The following KCTD18 variants were observed in gnomAD, a reference collection of about 807,000 sequenced individuals.
KCTD18 encodes potassium channel tetramerization domain containing 18, also known as BTB/POZ domain-containing protein KCTD18.
Under a neutral mutation model 30.4 loss-of-function variants are expected in KCTD18, and 22 were observed. The observed-to-expected ratio is 0.72, with a 90% CI of 0.52 to 1.03. The LOEUF (loss-of-function observed/expected upper bound fraction) is 1.03, where lower values mean the gene tolerates loss of function less well. Among genes scored for constraint, KCTD18 ranks in the 50% least tolerant of loss-of-function variants. The probability of loss-of-function intolerance (pLI) is 0.00; values close to 1 mark genes in which losing one functional copy is unlikely to be tolerated. For synonymous variants in KCTD18, 186 were observed against 209.0 expected (o/e 0.89, Z 0.95); for missense variants, 529 against 547.6 (o/e 0.97, Z 0.34).
chr2:200,492,971 AG>A (rs768576921), intron 6 of KCTD18, among the ~76,000 whole-genome samples, 200 bp downstream of exon 6: 1 of 152,218 alleles, frequency 6.6e-6, no homozygotes, highest in African/African-American at 2.4e-5. Context: ...GCAGTTACAA[AG>A]AATTATAGCC....
intron 4 of KCTD18, among the ~76,000 whole-genome samples, chr2:200,498,195 C>T (rs1224309654): frequency 6.6e-6 from 1 of 152,150 alleles, no homozygotes; most frequent in African/African-American, 2.4e-5. Context: ...CAGCATTATG[C>T]CAGGCACTTA....
At chr2:200,493,124 G>T in intron 6 of KCTD18, 48 bp downstream of exon 6, 2 of 1,078,890 alleles carry the variant, frequency 1.9e-6, no homozygotes, top group Non-Finnish European at 2.9e-6. Context: ...CAGTAAAAAT[G>T]TCAGCGATTA....
At chr2:200,492,741 C>G (rs2087937950) in intron 6 of KCTD18, among the ~76,000 whole-genome samples, 1 of 152,094 alleles carries the variant, frequency 6.6e-6, no homozygotes, top group African/African-American at 2.4e-5. Context: ...CAGGAAAATA[C>G]CATTTAATAA....
At position 200,493,214 on chromosome 2, in the gene KCTD18, G is replaced by A. The variant is rs2087947534; in HGVS notation, c.722C>T (p.Pro241Leu). Residue 241 changes from proline to leucine, a missense_variant, in exon 6 of 7, where the codon CCT becomes CTT. By Grantham distance (98) the Pro-to-Leu change is moderately conservative. Coordinates refer to ENST00000359878, the MANE Select transcript of KCTD18 (RefSeq NM_152387.4). ...CATGTGACGCAGGCTTCCAAGTAAA[G>A]GCCGTTCTTCTAGAGTCCAACACTC... ...LIECWTLEER[P>L]LLGSLRHMAP... 6.2e-7 allele frequency: 1 copy of A among 1,613,292 alleles called. No individual in the cohort carries two copies. Among genetic ancestry groups the A allele is most frequent in the South Asian group, 1.1e-5 (1 of 91,058 alleles).
rs1410943204 is a variant in KCTD18, at chr2:200,504,922, T to C, written c.198A>G (p.Lys66=). The C allele has an allele frequency of 6.2e-7, 1 of 1,614,158 alleles. No individual in the cohort carries two copies. The highest frequency in any genetic ancestry group is 1.7e-5 in the Admixed American group (1 of 60,022). Reference sequence around the variant, plus strand: ...CTCCATGAAGGTAATCCAAAAGGTATTTAAATAGACGTCCATCACGGTCAA... The same window carrying C: ...CTCCATGAAGGTAATCCAAAAGGTACTTAAATAGACGTCCATCACGGTCAA... ...CVIDRDGRLF[K]YLLDYLHGEV... The change falls in exon 3 of 7, where the codon AAA becomes AAG. Residue 66 remains lysine (K), a synonymous_variant. Coordinates refer to ENST00000359878, the MANE Select transcript of KCTD18 (RefSeq NM_152387.4).
At chr2:200,493,053 A>T (rs1212674350) in intron 6 of KCTD18, 119 bp downstream of exon 6, 1 of 623,356 alleles carries the variant, frequency 1.6e-6, no homozygotes, top group Non-Finnish European at 2.9e-6. Flanking sequence ...AGAATATTCA[A>T]ATCGGTGATT....
chr2:200,507,077 T>C lies in KCTD18; in HGVS notation c.-61A>G, dbSNP rs201418461. 7.9e-6 allele frequency: 11 copies of C among 1,395,222 alleles called. No individual in the cohort carries two copies. In the East Asian group the frequency reaches 2.3e-4, roughly 29 times the overall value. 86.4% of individuals were successfully genotyped at this position (1,395,222 alleles called of 1,614,324 possible). On this transcript the variant is annotated 5_prime_UTR_variant, in exon 2 of 7. Coordinates refer to ENST00000359878, the MANE Select transcript of KCTD18 (RefSeq NM_152387.4). ...ACTTTCAGAAACTTCAAAACAATGA[T>C]GTCTTGGTCTCCCTCTGTAAAACAA...
chr2:200,505,766 C>T (rs752050084), intron 2 of KCTD18, among the ~76,000 whole-genome samples: 2 of 151,958 alleles, frequency 1.3e-5, no homozygotes, highest in African/African-American at 2.4e-5. Flanking sequence ...TGGGTTAGTC[C>T]TTTTGTACTA....
chr2:200,505,660 A>G (rs2030146790), intron 2 of KCTD18, among the ~76,000 whole-genome samples: 3 of 152,150 alleles, frequency 2.0e-5, no homozygotes, highest in Non-Finnish European at 4.4e-5. Context: ...TAAAGAGAGC[A>G]TGTGGGGTGC....
rs368692549 is a variant in KCTD18 at position 200,490,632 on chromosome 2, C to T, written c.765-16G>A. The T allele has an allele frequency of 1.8e-4, 279 of 1,560,168 alleles. No individual in the cohort carries two copies. Among genetic ancestry groups the T allele is most frequent in the Non-Finnish European group, 2.2e-4 (250 of 1,158,438 alleles). On this transcript the variant is annotated splice_polypyrimidine_tract_variant and intron_variant, in intron 6 of 6. Transcript: ENST00000359878. The stretch of plus-strand genomic sequence containing the variant: ...TATCAGTCGCCTAGAAATACAGAAG[C>T]GTGTCATTTTCCACATGTATAGTTT...
chr2:200,508,087 G>C (rs947139534), intron 1 of KCTD18, among the ~76,000 whole-genome samples: 1 of 151,928 alleles, frequency 6.6e-6, no homozygotes, highest in African/African-American at 2.4e-5. Flanking sequence ...GGGAAGTTTT[G>C]GGGGGTTTTT....
chr2:200,503,588 T>C (rs553376844), intron 3 of KCTD18, among the ~76,000 whole-genome samples: 1 of 152,304 alleles, frequency 6.6e-6, no homozygotes, highest in South Asian at 2.1e-4. Context: ...CCCAACCTTC[T>C]AGTCAGGCCT....
At chr2:200,497,668 A>G in intron 5 of KCTD18, 85 bp downstream of exon 5, 1 of 902,110 alleles carries the variant, frequency 1.1e-6, no homozygotes, top group Non-Finnish European at 1.8e-6. Flanking sequence ...TACTTTCTAA[A>G]AAAAGAAATG....
At chr2:200,507,634 T>C (rs2030270756) in intron 1 of KCTD18, among the ~76,000 whole-genome samples, 1 of 152,218 alleles carries the variant, frequency 6.6e-6, no homozygotes, top group African/African-American at 2.4e-5. Flanking sequence ...ATCTAGCTCA[T>C]GGTAACTATT....
intron 1 of KCTD18, among the ~76,000 whole-genome samples, chr2:200,509,333 ACT>A (rs1574813159): frequency 6.6e-6 from 1 of 152,048 alleles, no homozygotes; most frequent in African/African-American, 2.4e-5. Context: ...CTCCTCCAGC[ACT>A]GTTTCACCCC....
intron 1 of KCTD18, among the ~76,000 whole-genome samples, chr2:200,509,140 C>G (rs2030373283): frequency 6.6e-6 from 1 of 152,100 alleles, no homozygotes; most frequent in Admixed American, 6.5e-5. Flanking sequence ...TTACCTAATT[C>G]ACACAAAAAC....
chr2:200,491,290 T>C (rs1333377968), intron 6 of KCTD18, among the ~76,000 whole-genome samples: 2 of 152,224 alleles, frequency 1.3e-5, no homozygotes, highest in African/African-American at 4.8e-5. Context: ...TCTGCCATGA[T>C]TGTAAGCTTC....
At chr2:200,497,976 G>T in intron 4 of KCTD18, 129 bp from the exon 5 acceptor site, 1 of 665,430 alleles carries the variant, frequency 1.5e-6, no homozygotes, top group Non-Finnish European at 2.7e-6. Context: ...CTGAGTAGTT[G>T]TTCTGTGATC....
intron 6 of KCTD18, among the ~76,000 whole-genome samples, chr2:200,491,828 C>T (rs898342994): frequency 9.9e-5 from 15 of 152,176 alleles, no homozygotes; most frequent in East Asian, 1.9e-4. Context: ...ATCAATGTGT[C>T]ATTAGAGGCG....
Sources: gnomAD v4.1 joint callset for allele counts (sites outside exome capture counted in the v4.1 genomes callset) on GRCh38, gnomAD v4.1.1 for gene constraint, MANE v1.5 for transcripts, NCBI Gene and HGNC (gene_info 2026-07-23, HGNC 2026-07-21) for gene names.